BIRC6: variants seen among roughly 807,000 people sequenced by gnomAD.
The protein encoded by BIRC6 is dual E2 ubiquitin-conjugating enzyme/E3 ubiquitin-protein ligase BIRC6.
A neutral mutation model predicts 503.3 loss-of-function variants in BIRC6; 98 were observed. The observed-to-expected ratio is 0.19, with a 90% CI of 0.17 to 0.23. The LOEUF is 0.23. Among genes scored for constraint, BIRC6 ranks in the 10% least tolerant of loss-of-function variants. The probability of loss-of-function intolerance (pLI) is 1.00; values close to 1 mark genes in which losing one functional copy is unlikely to be tolerated. For missense variants in BIRC6, 5,360 were observed against 5,806.0 expected, an observed-to-expected ratio of 0.92 and a Z score of 2.50; for synonymous variants, 2,240 against 2,078.7, an observed-to-expected ratio of 1.08 and a Z score of -2.11.
intron 16 of BIRC6, among the ~76,000 whole-genome samples, chr2:32,440,245 A>G (rs1352968657): frequency 2.6e-5 from 4 of 152,322 alleles, no homozygotes; most frequent in Non-Finnish European, 4.4e-5. Context: ...TTGTTAGCAG[A>G]TATTTCCCTT....
In BIRC6 at chr2:32,611,580, A is replaced by G. The variant is rs759910304; in HGVS notation, c.14392A>G (p.Lys4798Glu). Reference protein sequence around the residue: ...RTMSHHAAALKRHTAQLREEL... With the variant: ...RTMSHHAAALERHTAQLREEL... ...TATGTCTCACCATGCAGCAGCTCTC[A>G]AGGTGAGTAAGCCTCTCTAACAGGA... The change falls in exon 73 of 74, where the codon AAG (lysine) becomes GAG (glutamate). Residue 4798 changes from lysine to glutamate, a missense_variant and splice_region_variant. Physicochemically the swap from Lys to Glu is moderately conservative, Grantham distance 56. Around this residue, in one of 16 missense-constraint regions of BIRC6, gnomAD observed 140 missense variants for 130.2 expected, o/e 1.07. Coordinates refer to ENST00000421745, the MANE Select transcript of BIRC6 (RefSeq NM_016252.4). 16 of 1,577,482 alleles carry G rather than the reference A, an allele frequency of 1.0e-5. No individual in the cohort carries two copies. The highest frequency in any genetic ancestry group is 1.4e-5 in the Non-Finnish European group (16 of 1,158,702).
intron 61 of BIRC6, among the ~76,000 whole-genome samples, 192 bp downstream of exon 61, chr2:32,531,743 A>G (rs1220796481): frequency 2.6e-5 from 4 of 152,252 alleles, no homozygotes; most frequent in African/African-American, 9.6e-5. Flanking sequence ...TATGGAAGAA[A>G]TGTTGAAGAT....
chr2:32,606,897 C>T (rs1250213885), intron 71 of BIRC6, among the ~76,000 whole-genome samples: 1 of 151,746 alleles, frequency 6.6e-6, no homozygotes, highest in African/African-American at 2.4e-5. Context: ...ATCCCAGATT[C>T]TCGGGAGGCT....
chr2:32,593,968 A>G lies in BIRC6; in HGVS notation c.13409A>G (p.Glu4470Gly), dbSNP rs749381163. The G allele has an allele frequency of 1.9e-6, 3 of 1,613,740 alleles. No homozygotes were observed. Among genetic ancestry groups the G allele is most frequent in the Non-Finnish European group, 2.5e-6 (3 of 1,179,676 alleles). ...TGVKPDASDQEPEGLTLLVPD... is the reference protein window; with the variant it reads ...TGVKPDASDQGPEGLTLLVPD... The stretch of plus-strand genomic sequence containing the variant: ...GTAAAACCAGATGCGTCTGATCAAG[A>G]ACCAGAAGGACTTACTCTTTTGGTA... The change falls in exon 67 of 74, where the codon GAA (glutamate) becomes GGA (glycine). Residue 4470 changes from glutamate to glycine, a missense_variant. By Grantham distance (98) the Glu-to-Gly change is moderately conservative (BLOSUM62 -2). Transcript: ENST00000421745.
intron 33 of BIRC6, among the ~76,000 whole-genome samples, chr2:32,473,548 A>G (rs557326846): frequency 3.3e-5 from 5 of 151,652 alleles, no homozygotes; most frequent in South Asian, 2.1e-4. Flanking sequence ...CTTTAATTCA[A>G]TCCATTTTCC....
chr2:32,521,481 T>C lies in BIRC6; in HGVS notation c.11623+2535T>C, dbSNP rs549222907. Reference sequence around the variant, plus strand: ...CTCTCTGTTTTTTTTGTTTTTTGTTTTTTGTTTTGAGACGGAGTCTCACTC... The same window carrying C: ...CTCTCTGTTTTTTTTGTTTTTTGTTCTTTGTTTTGAGACGGAGTCTCACTC... On this transcript the variant is annotated intron_variant, in intron 57 of 73. Coordinates refer to ENST00000421745, the MANE Select transcript of BIRC6 (RefSeq NM_016252.4). Among the ~76,000 whole-genome samples the C allele has an allele frequency of 4.0e-5, 6 of 151,728 alleles. No individual in the cohort carries two copies. In the East Asian group the frequency reaches 1.2e-3, roughly 29 times the overall value.
chr2:32,477,635 A>C, intron 35 of BIRC6, 52 bp downstream of exon 35: 1 of 1,417,938 alleles, frequency 7.1e-7, no homozygotes, highest in Non-Finnish European at 9.8e-7. Context: ...GCAGTGGCTC[A>C]TGCCTGTAAT....
Position 32,467,565 on chromosome 2 carries a change from A to T in BIRC6, c.5397A>T (p.Ile1799=). 6.2e-7 allele frequency: 1 copy of T among 1,613,934 alleles called. No homozygotes were observed. Among genetic ancestry groups the T allele is most frequent in the Non-Finnish European group, 8.5e-7 (1 of 1,179,876 alleles). Residue 1799 remains isoleucine, a synonymous_variant, in exon 27 of 74, where the codon ATA becomes ATT. Coordinates refer to ENST00000421745, the MANE Select transcript of BIRC6 (RefSeq NM_016252.4). ...RFVTLDFGRP[I]LLTDVLIPTC... Reference sequence around the variant, plus strand: ...TGACCTTGGATTTTGGGAGGCCTATATTGTTGACTGATGTATTGATTCCCA... The same window carrying T: ...TGACCTTGGATTTTGGGAGGCCTATTTTGTTGACTGATGTATTGATTCCCA...
intron 1 of BIRC6, among the ~76,000 whole-genome samples, chr2:32,359,427 A>G (rs2033697351): frequency 6.6e-6 from 1 of 152,222 alleles, no homozygotes; most frequent in Non-Finnish European, 1.5e-5. Flanking sequence ...GAAAGACAAT[A>G]TTCACTTTAG....
At chr2:32,379,849 T>C (rs2037366449) in intron 2 of BIRC6, among the ~76,000 whole-genome samples, 1 of 152,204 alleles carries the variant, frequency 6.6e-6, no homozygotes, top group Admixed American at 6.5e-5. Flanking sequence ...TTTTCCTGTA[T>C]TATTTTTGCT....
intron 57 of BIRC6, 79 bp from the exon 58 acceptor site, chr2:32,524,809 A>G (rs1293970238): frequency 3.8e-6 from 4 of 1,054,126 alleles, no homozygotes; most frequent in East Asian, 3.2e-5. Flanking sequence ...ATCTTGCATA[A>G]TCTCCCTCTG....
chr2:32,430,372 A>G (rs1231563352), intron 11 of BIRC6, among the ~76,000 whole-genome samples: 2 of 152,212 alleles, frequency 1.3e-5, no homozygotes, highest in Admixed American at 6.5e-5. Context: ...AATAGAAAAA[A>G]CAATTTAATT....
intron 21 of BIRC6, among the ~76,000 whole-genome samples, chr2:32,446,738 GTTTTTTTTTTT>G (rs58232090): frequency 1.7e-3 from 61 of 34,862 alleles, no homozygotes; most frequent in Admixed American, 5.4e-3. Flanking sequence ...CCTCTGCGCT[GTTTTTTTTTTT>G]TTTTTTTTTT....
chr2:32,452,769 G>A (rs763167823), intron 22 of BIRC6, among the ~76,000 whole-genome samples: 3 of 151,962 alleles, frequency 2.0e-5, no homozygotes, highest in East Asian at 1.9e-4. Context: ...AAAAAGTTGC[G>A]TTAATTCCTA....
intron 1 of BIRC6, among the ~76,000 whole-genome samples, chr2:32,367,708 C>T (rs928101362): frequency 2.6e-5 from 4 of 151,926 alleles, no homozygotes; most frequent in Non-Finnish European, 4.4e-5. Flanking sequence ...TCCAGCTACT[C>T]GGGAGGCTGA....
intron 33 of BIRC6, among the ~76,000 whole-genome samples, chr2:32,475,610 A>G (rs1204468560): frequency 6.6e-6 from 1 of 152,236 alleles, no homozygotes; most frequent in Admixed American, 6.5e-5. Flanking sequence ...TGGAAAAATA[A>G]GGTTGGCAAA....
chr2:32,387,566 A>G (rs2038648840), intron 3 of BIRC6, among the ~76,000 whole-genome samples: 1 of 152,136 alleles, frequency 6.6e-6, no homozygotes, highest in Non-Finnish European at 1.5e-5. Context: ...CATTTATCGA[A>G]TATTGCTGAT....
chr2:32,597,864 C>T lies in BIRC6; in HGVS notation c.13726C>T (p.Arg4576Cys), dbSNP rs1213866629. Residue 4576 changes from arginine (R) to cysteine (C), a missense_variant, in exon 69 of 74, where the codon CGC (arginine) becomes TGC (cysteine). Arg to Cys is a radical substitution (Grantham distance 180). This residue lies in a region of BIRC6 where 477 missense variants were observed against 574.4 expected (regional missense o/e 0.83). Coordinates refer to ENST00000421745, the MANE Select transcript of BIRC6 (RefSeq NM_016252.4). The part of the protein sequence containing the change: ...ANDANSAARA[R>C]RLAQEAVTLS... ...TGATGCGAACAGTGCTGCCAGAGCTCGCCGCCTTGCCCAGGAAGCTGTGAC... is the reference window on the plus strand; with the variant it reads ...TGATGCGAACAGTGCTGCCAGAGCTTGCCGCCTTGCCCAGGAAGCTGTGAC... 2.5e-6 allele frequency: 4 copies of T among 1,613,806 alleles called. No individual in the cohort carries two copies. The highest frequency in any genetic ancestry group is 3.4e-6 in the Non-Finnish European group (4 of 1,179,812).
chr2:32,503,941 TC>T (rs922598128), intron 49 of BIRC6, among the ~76,000 whole-genome samples: 6 of 147,276 alleles, frequency 4.1e-5, no homozygotes, highest in African/African-American at 1.5e-4. Context: ...GCACAGTGTC[TC>T]CCGGGTTCAG....
Sources: allele counts gnomAD v4.1 joint callset (sites outside exome capture counted in the v4.1 genomes callset), GRCh38; gene constraint gnomAD v4.1.1; regional missense constraint gnomAD v4.1.1; transcripts MANE v1.5; gene names NCBI Gene and HGNC (gene_info 2026-07-23, HGNC 2026-07-21).